Variants in F8 observed in about 807,000 individuals in gnomAD.
F8 encodes the protein coagulation factor VIII.
A neutral mutation model predicts 140.6 loss-of-function variants in F8; 12 were observed. The ratio of observed to expected loss-of-function variants is 0.09; its 90% CI spans 0.05 to 0.14. The LOEUF (loss-of-function observed/expected upper bound fraction) is 0.14. Among genes scored for constraint, F8 ranks in the 10% least tolerant of loss-of-function variants. The pLI is 1.00. For synonymous variants in F8, 585 were observed against 614.6 expected, an observed-to-expected ratio of 0.95 and a Z score of 0.71; for missense variants, 1,354 against 1,720.7, an observed-to-expected ratio of 0.79 and a Z score of 3.77.
Position 154,929,364 on chromosome X carries a change from T to C in F8, c.4426A>G (p.Arg1476Gly). Residue 1476 changes from arginine to glycine, a missense_variant, in exon 14 of 26, where the codon AGA becomes GGA. Physicochemically the swap from Arg to Gly is moderately radical, Grantham distance 125. This residue lies in a region of F8 where 658 missense variants were observed against 666.5 expected (regional missense o/e 0.99). Transcript: ENST00000360256. The part of the protein sequence containing the change: ...ILTLEMTGDQ[R>G]EVGSLGTSAT... ...CTTGTCCCCAGGGAGCCAACCTCTC[T>C]TTGATCACCAGTCATCTCCAAGGTT... 2 of 1,211,994 alleles carry C rather than the reference T, an allele frequency of 1.7e-6. No individual in the cohort carries two copies. Among genetic ancestry groups the C allele is most frequent in the East Asian group, 3.0e-5 (1 of 33,864 alleles).
At chrX:154,872,075 T>C (rs1557273622) in intron 22 of F8, among the ~76,000 whole-genome samples, 1 of 111,608 alleles carries the variant, frequency 9.0e-6, no homozygotes, top group African/African-American at 3.3e-5. Context: ...TGTGGAAAAA[T>C]AGGAACGCTT....
chrX:154,927,141 A>T (rs1429522331), intron 14 of F8, among the ~76,000 whole-genome samples: 3 of 111,855 alleles, frequency 2.7e-5, no homozygotes, highest in African/African-American at 9.7e-5. Flanking sequence ...TAATGTAAAG[A>T]TCAATAATGA....
At chrX:154,863,305 T>C in intron 22 of F8, 78 bp from the exon 23 acceptor site, 1 of 983,564 alleles carries the variant, frequency 1.0e-6, no homozygotes. Flanking sequence ...ATATCTTCCT[T>C]CTAATTTGCT....
intron 25 of F8, among the ~76,000 whole-genome samples, chrX:154,841,678 C>T (rs1188607156): frequency 1.8e-5 from 2 of 110,962 alleles, no homozygotes; most frequent in African/African-American, 6.5e-5. Flanking sequence ...TATTTTCCTT[C>T]TTTTTCTCAT....
chrX:154,843,423 C>T (rs782470310), intron 25 of F8, among the ~76,000 whole-genome samples: 57 of 111,463 alleles, frequency 5.1e-4, no homozygotes, highest in Admixed American at 1.9e-3. Flanking sequence ...AGTGTAAAAG[C>T]GTTCCTATTT....
At chrX:154,950,520 G>A (rs1022346678) in intron 12 of F8, among the ~76,000 whole-genome samples, 5 of 111,573 alleles carry the variant, frequency 4.5e-5, no homozygotes, top group Non-Finnish European at 9.4e-5. Context: ...TACTAGAATG[G>A]CTGATTCTTC....
In F8 at chrX:154,930,900, A is replaced by T. The variant is rs1557278726; in HGVS notation, c.2890T>A (p.Ser964Thr). Reference sequence around the variant, plus strand: ...ATTAAACCTGATTCTAACAACTTTGAATCATTATTTTCTTCACTCAAGCTC... The same window carrying T: ...ATTAAACCTGATTCTAACAACTTTGTATCATTATTTTCTTCACTCAAGCTC... ...PLSLSEENNDSKLLESGLMNS... is the reference protein window; with the variant it reads ...PLSLSEENNDTKLLESGLMNS... The change falls in exon 14 of 26, where the codon TCA becomes ACA. Residue 964 changes from serine to threonine, a missense_variant. By Grantham distance (58) the Ser-to-Thr change is moderately conservative. Around this residue, in one of 4 missense-constraint regions of F8, gnomAD observed 658 missense variants for 666.5 expected, o/e 0.99. Coordinates refer to ENST00000360256, the MANE Select transcript of F8 (RefSeq NM_000132.4). 1 of 1,200,371 alleles carries T rather than the reference A, an allele frequency of 8.3e-7. No homozygotes were observed. The highest frequency in any genetic ancestry group is 1.1e-6 in the Non-Finnish European group (1 of 891,489).
chrX:154,960,601 G>A (rs965206711), intron 10 of F8, among the ~76,000 whole-genome samples: 23 of 110,010 alleles, frequency 2.1e-4, no homozygotes, highest in African/African-American at 6.0e-4. Flanking sequence ...TTGAGAGAGA[G>A]AGAGAGAGAG....
At chrX:154,944,635 A>G (rs1249735791) in intron 13 of F8, among the ~76,000 whole-genome samples, 2 of 111,099 alleles carry the variant, frequency 1.8e-5, no homozygotes, top group Non-Finnish European at 3.8e-5. Context: ...ATCTAGAACT[A>G]GAAATACCAT....
rs782488091 is a variant in F8 at position 154,994,991 on chromosome X, T to C, written c.389-1843A>G. ...TGATCATTATTTTTTCAATGATCAA[T>C]TACTTTGAACTTTGACAATGAGAGC... On this transcript the variant is annotated intron_variant, in intron 3 of 25. Transcript: ENST00000360256. Among the ~76,000 whole-genome samples the C allele has an allele frequency of 3.1e-3, 348 of 111,860 alleles. 3 individuals are homozygous for C. Among genetic ancestry groups the C allele is most frequent in the South Asian group, 5.3e-3 (14 of 2,664 alleles).
intron 13 of F8, among the ~76,000 whole-genome samples, chrX:154,933,960 A>T (rs1392403122): frequency 8.9e-6 from 1 of 111,990 alleles, no homozygotes; most frequent in African/African-American, 3.2e-5. Context: ...AAACCTTACA[A>T]AAACGGACAG....
In F8 at chrX:154,836,415, G is replaced by C. The variant is rs781911121; in HGVS notation, c.*1182C>G. 4.5e-5 allele frequency: 5 copies of C among 111,338 alleles called. No individual in the cohort carries two copies. The South Asian group carries it at 1.9e-3, about 42-fold the overall frequency. 9.2% of individuals were successfully genotyped at this position (111,338 alleles called of 1,213,427 possible). On this transcript the variant is annotated 3_prime_UTR_variant, in exon 26 of 26. Transcript: ENST00000360256. ...ATCTTATGGGGGTGGAGGGCAAGAA[G>C]GGGGATCCTATTGTGTGGTGATATG...
chrX:154,905,095 C>T, intron 15 of F8, 72 bp from the exon 16 acceptor site: 1 of 846,302 alleles, frequency 1.2e-6, no homozygotes, highest in Non-Finnish European at 1.7e-6. Context: ...TTAGGGTTTA[C>T]ATCCCTAAAA....
At chrX:154,959,637 G>A (rs1001652611) in intron 10 of F8, among the ~76,000 whole-genome samples, 51 of 111,507 alleles carry the variant, frequency 4.6e-4, no homozygotes, top group Non-Finnish European at 8.1e-4. Context: ...CTCCTATCTA[G>A]CTGGAATTTT....
At chrX:154,920,847 T>C (rs1557277503) in intron 14 of F8, among the ~76,000 whole-genome samples, 2 of 112,432 alleles carry the variant, frequency 1.8e-5, no homozygotes. Context: ...TAGCTTTCTT[T>C]GTCTTTTATC....
intron 22 of F8, among the ~76,000 whole-genome samples, chrX:154,873,563 G>C (rs2072791206): frequency 8.9e-6 from 1 of 111,997 alleles, no homozygotes; most frequent in Non-Finnish European, 1.9e-5. Flanking sequence ...AACAAAGCTA[G>C]AGGCATCATA....
At chrX:154,901,525 C>T (rs1324058017) in intron 19 of F8, 83 bp from the exon 20 acceptor site, 8 of 650,644 alleles carry the variant, frequency 1.2e-5, no homozygotes, top group African/African-American at 4.3e-5. Context: ...AATGGGAGAA[C>T]GTCAACAAAT....
chrX:154,998,567 T>C (rs1482179866), intron 2 of F8, among the ~76,000 whole-genome samples: 2 of 112,742 alleles, frequency 1.8e-5, no homozygotes, highest in Non-Finnish European at 3.8e-5. Context: ...GACACCCCAC[T>C]GCTCCTGATC....
At chrX:154,935,378 C>G (rs990120442) in intron 13 of F8, among the ~76,000 whole-genome samples, 1 of 111,536 alleles carries the variant, frequency 9.0e-6, no homozygotes, top group South Asian at 3.8e-4. Context: ...AATAAACTCT[C>G]ACATTTATGG....
Sources: gnomAD v4.1 joint callset for allele counts (sites outside exome capture counted in the v4.1 genomes callset) on GRCh38, gnomAD v4.1.1 for gene constraint, gnomAD v4.1.1 regional missense constraint, MANE v1.5 for transcripts, NCBI Gene and HGNC (gene_info 2026-07-23, HGNC 2026-07-21) for gene names.